Variants in TENM3 observed in about 807,000 individuals in gnomAD.
TENM3 encodes the protein teneurin transmembrane protein 3.
TENM3 carries 63 observed loss-of-function variants against 255.1 expected under a neutral mutation model. That is an observed-to-expected ratio of 0.25 (90% confidence interval 0.20 to 0.30). The LOEUF (loss-of-function observed/expected upper bound fraction) is 0.30. TENM3 is among the 10% of genes least tolerant of loss of function. The probability of loss-of-function intolerance (pLI) is 1.00; values close to 1 mark genes in which losing one functional copy is unlikely to be tolerated. For missense variants in TENM3, 2,929 were observed against 3,461.1 expected, an observed-to-expected ratio of 0.85 and a Z score of 3.86; for synonymous variants, 1,306 against 1,322.3, an observed-to-expected ratio of 0.99 and a Z score of 0.27.
chr4:182,244,146 G>C (rs1757491779), intron 1 of TENM3, among the ~76,000 whole-genome samples: 1 of 151,100 alleles, frequency 6.6e-6, no homozygotes. Flanking sequence ...GTAGAGACGG[G>C]GTTTCACCAT....
chr4:181,667,118 T>G, the TENM3 span, among the ~76,000 whole-genome samples: 1 of 152,120 alleles, frequency 6.6e-6, no homozygotes, highest in African/African-American at 2.4e-5. Flanking sequence ...ACTTTTAATT[T>G]TGCTTCTTCC....
chr4:182,195,477 A>C (rs1417606464), intron 1 of TENM3, among the ~76,000 whole-genome samples: 4 of 152,010 alleles, frequency 2.6e-5, no homozygotes, highest in Non-Finnish European at 5.9e-5. Context: ...CGCCTCTACA[A>C]AAAATAGAAA....
the TENM3 span, among the ~76,000 whole-genome samples, chr4:181,602,993 T>C: frequency 6.6e-6 from 1 of 152,164 alleles, no homozygotes; most frequent in African/African-American, 2.4e-5. Context: ...CTGTGTTGCC[T>C]AAAGGAGGTT....
chr4:182,138,698 T>A, the TENM3 span, among the ~76,000 whole-genome samples: 1 of 152,230 alleles, frequency 6.6e-6, no homozygotes, highest in Non-Finnish European at 1.5e-5. Context: ...AACATGAGTA[T>A]CTACATGTTA....
At chr4:182,160,071 C>G (rs913316411) in intron 1 of TENM3, among the ~76,000 whole-genome samples, 1 of 149,458 alleles carries the variant, frequency 6.7e-6, no homozygotes, top group African/African-American at 2.4e-5. Flanking sequence ...GGTGCGATCT[C>G]GGCTCACTGC....
chr4:181,883,178 T>A, the TENM3 span, among the ~76,000 whole-genome samples: 3 of 145,848 alleles, frequency 2.1e-5, no homozygotes, highest in African/African-American at 7.6e-5. Context: ...ACATTTGAAA[T>A]GACGGGTAAA....
the TENM3 span, among the ~76,000 whole-genome samples, chr4:181,953,235 G>A: frequency 2.9e-3 from 441 of 150,142 alleles, 3 homozygotes; most frequent in Non-Finnish European, 4.2e-3. Context: ...TATTATGTGC[G>A]ATTTGGATAA....
chr4:182,441,532 C>T (rs986118836), intron 3 of TENM3, among the ~76,000 whole-genome samples: 2 of 152,142 alleles, frequency 1.3e-5, no homozygotes, highest in Admixed American at 6.5e-5. Flanking sequence ...GAGTCTCGCT[C>T]TGTTGCCCAG....
intron 1 of TENM3, among the ~76,000 whole-genome samples, chr4:182,304,520 T>A (rs1268611949): frequency 6.6e-6 from 1 of 152,024 alleles, no homozygotes; most frequent in Non-Finnish European, 1.5e-5. Flanking sequence ...CCAAGATAAT[T>A]TTTTTTAATT....
At chr4:181,656,574 G>A in the TENM3 span, among the ~76,000 whole-genome samples, 6 of 152,178 alleles carry the variant, frequency 3.9e-5, no homozygotes, top group East Asian at 7.8e-4. Context: ...GTCTGAGTTC[G>A]GTTTTGAAAG....
rs773099273 is a variant in TENM3 at position 182,743,397 on chromosome 4, G to A, written c.3607G>A (p.Val1203Ile). Residue 1203 changes from valine (V) to isoleucine (I), a missense_variant, in exon 19 of 28, where the codon GTA (valine) becomes ATA (isoleucine). Around this residue, in one of 6 missense-constraint regions of TENM3, gnomAD observed 1,608 missense variants for 1,884.4 expected, o/e 0.85. Transcript: ENST00000511685. ...GCGGCGGATATTCCCTTCTGGAAATGTAACAAGTGTCTTAGAACTAAGGTA... is the reference window on the plus strand; with the variant it reads ...GCGGCGGATATTCCCTTCTGGAAATATAACAAGTGTCTTAGAACTAAGGTA... ...YVRRIFPSGN[V>I]TSVLELSSNP... 1.9e-6 allele frequency: 3 copies of A among 1,613,916 alleles called. No homozygotes were observed. The highest frequency in any genetic ancestry group is 2.5e-6 in the Non-Finnish European group (3 of 1,179,822).
intron 1 of TENM3, among the ~76,000 whole-genome samples, chr4:182,256,248 T>G (rs111352171): frequency 2.6e-5 from 4 of 152,324 alleles, no homozygotes; most frequent in African/African-American, 9.6e-5. Flanking sequence ...TAAAGAAGAA[T>G]AGATGAAATT....
the TENM3 span, among the ~76,000 whole-genome samples, chr4:181,513,129 CT>C: frequency 1.3e-5 from 2 of 152,024 alleles, no homozygotes; most frequent in East Asian, 3.9e-4. Context: ...TCCTCTGAGA[CT>C]TTTTTTGTGG....
chr4:181,573,885 G>A, the TENM3 span, among the ~76,000 whole-genome samples: 2 of 152,074 alleles, frequency 1.3e-5, no homozygotes, highest in African/African-American at 4.8e-5. Flanking sequence ...GAACAAACCT[G>A]TCCCAAATAT....
the TENM3 span, among the ~76,000 whole-genome samples, chr4:181,784,982 A>T: frequency 6.6e-6 from 1 of 152,176 alleles, no homozygotes; most frequent in Non-Finnish European, 1.5e-5. Context: ...ATTTAAGAAA[A>T]ATACAACTAA....
At chr4:182,211,464 C>T (rs985609650) in intron 1 of TENM3, among the ~76,000 whole-genome samples, 4 of 152,030 alleles carry the variant, frequency 2.6e-5, no homozygotes, top group Non-Finnish European at 4.4e-5. Flanking sequence ...TAATTATGTA[C>T]AGAAATGTGT....
At chr4:182,001,490 A>C in the TENM3 span, among the ~76,000 whole-genome samples, 1 of 152,100 alleles carries the variant, frequency 6.6e-6, no homozygotes, top group Non-Finnish European at 1.5e-5. Flanking sequence ...TTCGGTAACT[A>C]ACCAAACAAC....
At chr4:182,389,041 T>C (rs1455373964) in intron 3 of TENM3, among the ~76,000 whole-genome samples, 1 of 152,106 alleles carries the variant, frequency 6.6e-6, no homozygotes, top group East Asian at 1.9e-4. Context: ...CCTATAGAAA[T>C]GTCTGAAGTT....
the TENM3 span, among the ~76,000 whole-genome samples, chr4:181,506,252 G>A: frequency 6.6e-6 from 1 of 152,036 alleles, no homozygotes; most frequent in Non-Finnish European, 1.5e-5. Context: ...GGGACTTCTT[G>A]GGATATAACA....
Sources: gnomAD v4.1 joint callset for allele counts (sites outside exome capture counted in the v4.1 genomes callset) on GRCh38, gnomAD v4.1.1 for gene constraint, gnomAD v4.1.1 regional missense constraint, MANE v1.5 for transcripts, NCBI Gene and HGNC (gene_info 2026-07-23, HGNC 2026-07-21) for gene names.